The following ATP7B variants were observed in gnomAD, a reference collection of about 807,000 sequenced individuals.
ATP7B encodes the protein ATPase copper transporting beta.
In ATP7B, 113 loss-of-function variants were observed where a neutral mutation model predicts 118.9. The ratio of observed to expected loss-of-function variants is 0.95; its 90% CI spans 0.82 to 1.11. The LOEUF (loss-of-function observed/expected upper bound fraction) is 1.11, where lower values mean the gene tolerates loss of function less well. Among genes scored for constraint, ATP7B ranks in the 50% most tolerant of loss-of-function variants. The pLI is 0.00. For synonymous variants in ATP7B, 777 were observed against 727.4 expected (o/e 1.07, Z -1.10); for missense variants, 1,867 against 1,871.4 (o/e 1.00, Z 0.04).
chr13:51,957,766 C>CATGT lies in ATP7B; in HGVS notation c.2356-160_2356-159insACAT, dbSNP rs1958451449. The CATGT allele has an allele frequency of 1.5e-5, 10 of 673,958 alleles. No individual in the cohort carries two copies. The South Asian group carries it at 1.6e-4, about 11-fold the overall frequency. 41.7% of individuals were successfully genotyped at this position (673,958 alleles called of 1,614,324 possible). ...GCAGGTGGGCGTTACTTGCTATCCA[C>CATGT]CACACATGGCCACATGTCACTTCCA... On this transcript the variant is annotated intron_variant, in intron 8 of 20. Transcript: ENST00000242839.
intron 12 of ATP7B, among the ~76,000 whole-genome samples, chr13:51,949,409 A>G (rs1461015559): frequency 2.0e-5 from 3 of 152,234 alleles, no homozygotes; most frequent in Non-Finnish European, 4.4e-5. Flanking sequence ...TTCAAGCATT[A>G]CAACTGAGCA....
At chr13:51,992,011 A>G (rs1952940967) in intron 1 of ATP7B, among the ~76,000 whole-genome samples, 1 of 152,138 alleles carries the variant, frequency 6.6e-6, no homozygotes, top group East Asian at 1.9e-4. Flanking sequence ...TGCCTTTTAA[A>G]ACAGATCTTT....
intron 13 of ATP7B, among the ~76,000 whole-genome samples, chr13:51,945,802 AG>A (rs1227545042): frequency 6.6e-6 from 1 of 152,216 alleles, no homozygotes; most frequent in Non-Finnish European, 1.5e-5. Context: ...AAAGTGTGGA[AG>A]GCCAGAGGTT....
At chr13:51,991,096 GAAAAAAAAAAAAGA>G (rs1952886465) in intron 1 of ATP7B, among the ~76,000 whole-genome samples, 1 of 134,772 alleles carries the variant, frequency 7.4e-6, no homozygotes, top group African/African-American at 2.7e-5. Flanking sequence ...CATATTTAAA[GAAAAAAAAAAAAGA>G]ACCTAACCAC....
chr13:51,938,579 C>G (rs534742706), intron 17 of ATP7B, among the ~76,000 whole-genome samples: 10 of 152,334 alleles, frequency 6.6e-5, no homozygotes, highest in South Asian at 4.1e-4. Context: ...CAAACTGGAG[C>G]CGCTGCTGTG....
At chr13:51,993,825 T>C (rs996013067) in intron 1 of ATP7B, among the ~76,000 whole-genome samples, 1 of 152,006 alleles carries the variant, frequency 6.6e-6, no homozygotes, top group Non-Finnish European at 1.5e-5. Flanking sequence ...TAAAGGAGAG[T>C]GTCCAAGACT....
At chr13:51,935,235 A>G (rs1328794288) in intron 20 of ATP7B, among the ~76,000 whole-genome samples, 4 of 152,244 alleles carry the variant, frequency 2.6e-5, no homozygotes, top group Admixed American at 6.5e-5. Flanking sequence ...TGCCTTGCAC[A>G]TTGTAGGCTG....
upstream of ATP7B, chr13:52,011,892 T>A (rs1294822427): frequency 7.5e-6 from 2 of 265,858 alleles, no homozygotes; most frequent in Non-Finnish European, 1.5e-5. Context: ...ACCCACCGCC[T>A]GCGGGGAAGG....
At chr13:52,006,398 G>A (rs138174452) in intron 1 of ATP7B, among the ~76,000 whole-genome samples, 44 of 152,346 alleles carry the variant, frequency 2.9e-4, no homozygotes, top group Non-Finnish European at 5.0e-4. Context: ...CTCTGTTGCT[G>A]CTAAAACGAC....
At chr13:51,979,393 C>T (rs1218954137) in intron 1 of ATP7B, among the ~76,000 whole-genome samples, 1 of 152,170 alleles carries the variant, frequency 6.6e-6, no homozygotes, top group East Asian at 1.9e-4. Context: ...GATTAGGCAG[C>T]TGAAGGGGAC....
intron 1 of ATP7B, among the ~76,000 whole-genome samples, chr13:52,006,421 A>C (rs1219066124): frequency 6.6e-6 from 1 of 152,232 alleles, no homozygotes; most frequent in Non-Finnish European, 1.5e-5. Flanking sequence ...CTGGCCTCTA[A>C]TACTCAGGAC....
intron 1 of ATP7B, among the ~76,000 whole-genome samples, chr13:52,002,719 G>A (rs991801906): frequency 9.2e-5 from 14 of 152,020 alleles, no homozygotes; most frequent in African/African-American, 3.1e-4. Context: ...ATATCCATGG[G>A]TTTGGTTCTA....
chr13:51,966,688 T>C, intron 4 of ATP7B: 5 of 1,426,320 alleles, frequency 3.5e-6, no homozygotes, highest in Non-Finnish European at 3.9e-6. Context: ...AGACACAGCA[T>C]GCTGCCATGC....
intron 1 of ATP7B, among the ~76,000 whole-genome samples, chr13:51,987,781 T>C (rs1010776885): frequency 2.6e-5 from 4 of 152,176 alleles, no homozygotes; most frequent in African/African-American, 7.2e-5. Flanking sequence ...CATCCGATCT[T>C]TGACAAACCT....
At chr13:51,948,945 C>T (rs1029638836) in intron 12 of ATP7B, among the ~76,000 whole-genome samples, 16 of 152,236 alleles carry the variant, frequency 1.1e-4, no homozygotes, top group African/African-American at 2.2e-4. Flanking sequence ...TTTAGGAGGC[C>T]GAGACAGGCA....
At position 51,944,038 on chromosome 13, in the gene ATP7B, G is replaced by T. The variant is rs2296247; in HGVS notation, c.3243+71C>A. On this transcript the variant is annotated intron_variant, in intron 14 of 20. Transcript: ENST00000242839. Reference sequence around the variant, plus strand: ...AGAGAAGGCTCCTCGAGGGCAGCTAGGAGAGAAGGACATGGTGAGGAATAA... The same window carrying T: ...AGAGAAGGCTCCTCGAGGGCAGCTATGAGAGAAGGACATGGTGAGGAATAA... 7 of 1,595,624 alleles carry T rather than the reference G, an allele frequency of 4.4e-6. No homozygotes were observed. In the East Asian group the frequency reaches 1.6e-4, roughly 36 times the overall value.
chr13:51,972,981 G>A (rs190948332), intron 2 of ATP7B, among the ~76,000 whole-genome samples: 234 of 152,060 alleles, frequency 1.5e-3, no homozygotes, highest in Non-Finnish European at 2.9e-3. Flanking sequence ...CCTCCATCTT[G>A]GACAACAGGG....
chr13:51,955,504 A>C (rs142130639), intron 9 of ATP7B, among the ~76,000 whole-genome samples: 2 of 152,344 alleles, frequency 1.3e-5, no homozygotes, highest in African/African-American at 2.4e-5. Flanking sequence ...CCAGCCAAAA[A>C]ATGAATCGGC....
At chr13:51,993,770 A>G (rs760389508) in intron 1 of ATP7B, among the ~76,000 whole-genome samples, 2 of 152,202 alleles carry the variant, frequency 1.3e-5, no homozygotes, top group Non-Finnish European at 2.9e-5. Flanking sequence ...GTGCTTTCAC[A>G]ATCATATGAG....
Sources: allele counts gnomAD v4.1 joint callset (sites outside exome capture counted in the v4.1 genomes callset), GRCh38; gene constraint gnomAD v4.1.1; transcripts MANE v1.5; gene names NCBI Gene and HGNC (gene_info 2026-07-23, HGNC 2026-07-21).